The following ADCY8 variants were observed in gnomAD, a reference collection of about 807,000 sequenced individuals.
The protein encoded by ADCY8 is adenylate cyclase 8.
Under a neutral mutation model 119.7 loss-of-function variants are expected in ADCY8, and 51 were observed. The observed-to-expected ratio is 0.43, with a 90% CI of 0.34 to 0.54. The LOEUF (loss-of-function observed/expected upper bound fraction) is 0.54. Among genes scored for constraint, ADCY8 ranks in the 20% least tolerant of loss-of-function variants. The probability of loss-of-function intolerance (pLI) is 0.03; values close to 1 mark genes in which losing one functional copy is unlikely to be tolerated. For missense variants in ADCY8, 1,383 were observed against 1,598.8 expected (o/e 0.87, Z 2.30); for synonymous variants, 665 against 651.0 (o/e 1.02, Z -0.33).
intron 2 of ADCY8, among the ~76,000 whole-genome samples, chr8:130,982,703 A>C (rs1434606595): frequency 6.6e-6 from 1 of 152,260 alleles, no homozygotes. Flanking sequence ...TTCCATAAAA[A>C]ATTAGCCAGA....
chr8:130,910,215 T>C (rs558466261), intron 5 of ADCY8, among the ~76,000 whole-genome samples: 1 of 152,280 alleles, frequency 6.6e-6, no homozygotes, highest in East Asian at 1.9e-4. Flanking sequence ...TGAACATCCT[T>C]AGCCTTTTAT....
chr8:130,877,609 G>T (rs1352653680), intron 8 of ADCY8, among the ~76,000 whole-genome samples: 1 of 152,182 alleles, frequency 6.6e-6, no homozygotes, highest in Non-Finnish European at 1.5e-5. Flanking sequence ...CTAATCCTTG[G>T]CTGGCTTGTC....
intron 2 of ADCY8, among the ~76,000 whole-genome samples, chr8:130,967,260 G>A (rs926912381): frequency 1.8e-4 from 27 of 152,268 alleles, no homozygotes; most frequent in African/African-American, 6.0e-4. Flanking sequence ...AGCAAGGAGG[G>A]TGGAAGTCTG....
chr8:130,971,270 A>T (rs555519872), intron 2 of ADCY8, among the ~76,000 whole-genome samples: 29 of 152,182 alleles, frequency 1.9e-4, no homozygotes, highest in Non-Finnish European at 3.4e-4. Flanking sequence ...TAGATTATTT[A>T]TAAGTCAAAG....
At chr8:130,936,673 A>G (rs1040636238) in intron 5 of ADCY8, among the ~76,000 whole-genome samples, 2 of 151,774 alleles carry the variant, frequency 1.3e-5, no homozygotes, top group Non-Finnish European at 2.9e-5. Context: ...TTCCTCCTCT[A>G]TTTTCCCCAA....
intron 7 of ADCY8, among the ~76,000 whole-genome samples, chr8:130,885,555 C>A (rs1285662816): frequency 6.6e-6 from 1 of 151,946 alleles, no homozygotes; most frequent in East Asian, 1.9e-4. Context: ...GCAAGGAGAC[C>A]TTTCCTCCTG....
intron 8 of ADCY8, 68 bp downstream of exon 8, chr8:130,884,496 T>C: frequency 6.5e-7 from 1 of 1,540,322 alleles, no homozygotes; most frequent in Admixed American, 1.7e-5. Context: ...CTGGGCTCTC[T>C]CTCTAGTCCC....
At chr8:131,017,285 G>T (rs1823508093) in intron 1 of ADCY8, among the ~76,000 whole-genome samples, 1 of 152,012 alleles carries the variant, frequency 6.6e-6, no homozygotes, top group South Asian at 2.1e-4. Context: ...GGCCATGCTG[G>T]TCTCGAACTT....
intron 12 of ADCY8, 52 bp downstream of exon 12, chr8:130,836,225 A>G: frequency 6.5e-7 from 1 of 1,539,506 alleles, no homozygotes; most frequent in South Asian, 1.2e-5. Context: ...CAACAATTCC[A>G]CTTCCCACAG....
chr8:130,881,033 G>A (rs1374540832), intron 8 of ADCY8, among the ~76,000 whole-genome samples: 2 of 152,166 alleles, frequency 1.3e-5, no homozygotes, highest in African/African-American at 4.8e-5. Context: ...TCCTGTGAGG[G>A]AGCAGGGAGT....
Position 130,872,270 on chromosome 8 carries a change from A to G in ADCY8, c.2110-4324T>C, listed in dbSNP as rs149408453. 6.7e-3 allele frequency among the ~76,000 whole-genome samples: 1,022 copies of G among 152,296 alleles called. 16 individuals are homozygous for G. The highest frequency in any genetic ancestry group is 0.024 in the African/African-American group (985 of 41,554). The stretch of plus-strand genomic sequence containing the variant: ...TTTACATGAATGTTCTCATTTAACT[A>G]TTGCAACTCTTGAAGAAGGTCTTGT... On this transcript the variant is annotated intron_variant, in intron 8 of 17. Coordinates refer to ENST00000286355, the MANE Select transcript of ADCY8 (RefSeq NM_001115.3).
intron 14 of ADCY8, among the ~76,000 whole-genome samples, chr8:130,804,127 G>C (rs566344054): frequency 4.1e-4 from 63 of 152,338 alleles, no homozygotes; most frequent in Non-Finnish European, 7.9e-4. Flanking sequence ...CTGTGGTTTG[G>C]TGGGAAAGTC....
intron 1 of ADCY8, among the ~76,000 whole-genome samples, chr8:131,018,197 T>C (rs1332647663): frequency 6.6e-6 from 1 of 152,194 alleles, no homozygotes; most frequent in Non-Finnish European, 1.5e-5. Flanking sequence ...TTATTATTTT[T>C]CAAAGCTCAA....
At chr8:130,853,640 G>T (rs190638474) in intron 9 of ADCY8, among the ~76,000 whole-genome samples, 154 of 151,824 alleles carry the variant, frequency 1.0e-3, no homozygotes, top group Non-Finnish European at 1.6e-3. Flanking sequence ...GCATGGCGGG[G>T]AGTTCATCAG....
At chr8:131,016,299 G>C (rs945107302) in intron 1 of ADCY8, among the ~76,000 whole-genome samples, 2 of 152,064 alleles carry the variant, frequency 1.3e-5, no homozygotes, top group African/African-American at 4.8e-5. Flanking sequence ...CAAGAAAAAG[G>C]ATCACTTGAG....
At chr8:130,950,987 C>A (rs189534285) in intron 3 of ADCY8, among the ~76,000 whole-genome samples, 1 of 152,164 alleles carries the variant, frequency 6.6e-6, no homozygotes, top group Non-Finnish European at 1.5e-5. Context: ...CGCGAGCGAC[C>A]GTGCCCGGCC....
At chr8:130,911,521 T>A (rs1010480628) in intron 5 of ADCY8, among the ~76,000 whole-genome samples, 4 of 146,216 alleles carry the variant, frequency 2.7e-5, no homozygotes, top group East Asian at 2.1e-4. Flanking sequence ...AAATTTTTTT[T>A]AAAAAGAATT....
intron 9 of ADCY8, among the ~76,000 whole-genome samples, chr8:130,851,372 G>T (rs570475115): frequency 6.6e-6 from 1 of 152,320 alleles, no homozygotes; most frequent in East Asian, 1.9e-4. Context: ...GTGACATTGG[G>T]TTAGGCTGTG....
chr8:130,833,566 G>C (rs992346679), intron 12 of ADCY8, among the ~76,000 whole-genome samples: 1 of 152,134 alleles, frequency 6.6e-6, no homozygotes, highest in Admixed American at 6.5e-5. Flanking sequence ...GCTACCACAT[G>C]GATGAACCTG....
Sources: gnomAD v4.1 joint callset for allele counts (sites outside exome capture counted in the v4.1 genomes callset) on GRCh38, gnomAD v4.1.1 for gene constraint, MANE v1.5 for transcripts, NCBI Gene and HGNC (gene_info 2026-07-23, HGNC 2026-07-21) for gene names.